The following SHC4 variants were observed in gnomAD, a reference collection of about 807,000 sequenced individuals.
SHC4 encodes the protein SHC-transforming protein 4.
A neutral mutation model predicts 69.4 loss-of-function variants in SHC4; 41 were observed. That is an observed-to-expected ratio of 0.59 (90% CI 0.46 to 0.77). The LOEUF (loss-of-function observed/expected upper bound fraction) is 0.77, where lower values mean the gene tolerates loss of function less well. Ranked by LOEUF, SHC4 falls within the 30% of genes least tolerant of loss-of-function variation. The pLI is 0.00. For synonymous variants in SHC4, 318 were observed against 299.3 expected, an observed-to-expected ratio of 1.06 and a Z score of -0.64; for missense variants, 777 against 783.8, an observed-to-expected ratio of 0.99 and a Z score of 0.10.
At chr15:48,870,159 A>G (rs2140992326) in intron 5 of SHC4, among the ~76,000 whole-genome samples, 1 of 152,350 alleles carries the variant, frequency 6.6e-6, no homozygotes, top group Non-Finnish European at 1.5e-5. Context: ...ATCTCTTAAG[A>G]AAAGTATTTG....
chr15:48,897,625 A>AT (rs769245315), intron 2 of SHC4, among the ~76,000 whole-genome samples: 6 of 150,720 alleles, frequency 4.0e-5, no homozygotes, highest in East Asian at 2.0e-4. Flanking sequence ...TGCGCGGCAG[A>AT]TTTTTTCTGG....
chr15:48,878,826 G>C, intron 4 of SHC4: 3 of 1,359,072 alleles, frequency 2.2e-6, no homozygotes, highest in Non-Finnish European at 3.0e-6. Flanking sequence ...ATAGTTTTGT[G>C]CCATTGAAAA....
intron 2 of SHC4, among the ~76,000 whole-genome samples, chr15:48,893,920 C>G (rs1900178098): frequency 6.6e-6 from 1 of 152,182 alleles, no homozygotes; most frequent in Admixed American, 6.5e-5. Flanking sequence ...CCACTGCACT[C>G]CCACCTGGGT....
At position 48,963,439 on chromosome 15, in the gene SHC4, TG is replaced by T. The variant is rs1774739019; in HGVS notation, c.-425del. 5.5e-6 allele frequency: 1 copy of T among 183,304 alleles called. No individual in the cohort carries two copies. The highest frequency in any genetic ancestry group is 2.4e-5 in the African/African-American group (1 of 42,470). 11.4% of individuals were successfully genotyped at this position (183,304 alleles called of 1,614,324 possible). A position where few individuals can be genotyped will look rare whatever the true frequency, so the allele number is the denominator to read the frequency against. ...GACTCCCACCCTCACCCCAGCCTTC[TG>T]TTCTGCACACAGGAACTTTCGAACC... is the stretch of plus-strand genomic sequence containing the variant. On this transcript the variant is annotated 5_prime_UTR_variant, in exon 1 of 12. Transcript: ENST00000332408.
At chr15:48,923,449 C>T (rs1000034606) in intron 2 of SHC4, among the ~76,000 whole-genome samples, 33 of 147,186 alleles carry the variant, frequency 2.2e-4, no homozygotes, top group Non-Finnish European at 4.6e-4. Context: ...ACTCAGGAGG[C>T]GGAGGCAGGA....
chr15:48,826,118 G>A lies in SHC4; in HGVS notation c.1746C>T (p.Thr582=). 1 of 1,605,862 alleles carries A rather than the reference G, an allele frequency of 6.2e-7. No homozygotes were observed. Residue 582 remains threonine, a synonymous_variant, in exon 12 of 12, where the codon ACC becomes ACT. Transcript: ENST00000332408. ...LLVDPEGKVR[T]KDHVFDNVGH... is the part of the protein sequence containing the mutation. ...CGACATTATCAAATACATGATCCTT[G>A]GTCCTCACCTTGAAAAAGAAGTACA...
At chr15:48,889,033 G>A (rs1048988093) in intron 3 of SHC4, among the ~76,000 whole-genome samples, 1 of 152,170 alleles carries the variant, frequency 6.6e-6, no homozygotes, top group African/African-American at 2.4e-5. Flanking sequence ...GCCAGCTGTT[G>A]AAGGAAACTA....
chr15:48,961,665 C>A (rs1204170730), intron 1 of SHC4, among the ~76,000 whole-genome samples: 1 of 152,230 alleles, frequency 6.6e-6, no homozygotes, highest in Non-Finnish European at 1.5e-5. Context: ...TATTAGCTAT[C>A]TATTGCTAAG....
chr15:48,903,883 A>C (rs762167932), intron 2 of SHC4, among the ~76,000 whole-genome samples: 27 of 152,110 alleles, frequency 1.8e-4, no homozygotes, highest in Non-Finnish European at 3.1e-4. Flanking sequence ...CTCCCATCTA[A>C]GCCTCCCAAG....
chr15:48,873,474 G>A (rs1899731283), intron 4 of SHC4, among the ~76,000 whole-genome samples: 2 of 152,274 alleles, frequency 1.3e-5, no homozygotes, highest in African/African-American at 4.8e-5. Context: ...GCCGGGCGCA[G>A]TGGCTCACGC....
intron 2 of SHC4, among the ~76,000 whole-genome samples, chr15:48,920,313 G>T (rs933335913): frequency 6.6e-6 from 1 of 151,996 alleles, no homozygotes; most frequent in Non-Finnish European, 1.5e-5. Flanking sequence ...GAGCCACTGC[G>T]CCTGGCATGG....
intron 3 of SHC4, among the ~76,000 whole-genome samples, chr15:48,889,789 A>T (rs974429082): frequency 2.0e-5 from 3 of 152,184 alleles, no homozygotes; most frequent in African/African-American, 7.2e-5. Flanking sequence ...GCTTGCAGTG[A>T]GCCGAGATCG....
intron 7 of SHC4, among the ~76,000 whole-genome samples, chr15:48,857,307 T>G (rs1025367680): frequency 6.2e-5 from 9 of 145,028 alleles, no homozygotes; most frequent in African/African-American, 2.2e-4. Context: ...CTTGCTGTGT[T>G]TTTTTTTTTA....
chr15:48,857,681 T>C lies in SHC4; in HGVS notation c.1070+11A>G, dbSNP rs1452378696. 11 of 1,589,272 alleles carry C rather than the reference T, an allele frequency of 6.9e-6. No individual in the cohort carries two copies. Among genetic ancestry groups the C allele is most frequent in the Non-Finnish European group, 8.6e-6 (10 of 1,168,576 alleles). The stretch of plus-strand genomic sequence containing the variant: ...ATATATTGTCAAATTATTATAAAAC[T>C]CTTGGCTGACCTTTCACAAGAAGTA... On this transcript the variant is annotated intron_variant, in intron 7 of 11. Coordinates refer to ENST00000332408, the MANE Select transcript of SHC4 (RefSeq NM_203349.4).
At chr15:48,956,165 G>A (rs1901450765) in intron 1 of SHC4, among the ~76,000 whole-genome samples, 1 of 152,158 alleles carries the variant, frequency 6.6e-6, no homozygotes, top group Non-Finnish European at 1.5e-5. Context: ...TACCCTCAAT[G>A]CCAAGTCATC....
At chr15:48,852,915 AAAAT>A (rs35921296) in intron 8 of SHC4, among the ~76,000 whole-genome samples, 112 of 143,044 alleles carry the variant, frequency 7.8e-4, no homozygotes, top group African/African-American at 2.6e-3. Flanking sequence ...AAAATATATA[AAAAT>A]AAATAAATAA....
At chr15:48,829,617 C>T (rs1898757295) in intron 11 of SHC4, among the ~76,000 whole-genome samples, 2 of 152,220 alleles carry the variant, frequency 1.3e-5, no homozygotes, top group East Asian at 1.9e-4. Context: ...TACGTGTGTC[C>T]TTAAATCTAA....
At chr15:48,960,245 C>T (rs984154938) in intron 1 of SHC4, among the ~76,000 whole-genome samples, 12 of 152,142 alleles carry the variant, frequency 7.9e-5, no homozygotes, top group Non-Finnish European at 1.5e-4. Context: ...ACTCTTTTCA[C>T]ATTTAAAATT....
chr15:48,932,504 C>T (rs1304577559), intron 1 of SHC4, among the ~76,000 whole-genome samples: 1 of 152,122 alleles, frequency 6.6e-6, no homozygotes, highest in Non-Finnish European at 1.5e-5. Flanking sequence ...TTTTCCTCCC[C>T]GCTTTTGCCC....
Sources: allele counts gnomAD v4.1 joint callset (sites outside exome capture counted in the v4.1 genomes callset), GRCh38; gene constraint gnomAD v4.1.1; transcripts MANE v1.5; gene names NCBI Gene and HGNC (gene_info 2026-07-23, HGNC 2026-07-21).